SLCO5A1: variants seen among roughly 807,000 people sequenced by gnomAD.
The protein encoded by SLCO5A1 is organic anion transporter polypeptide-related protein 4.
A neutral mutation model predicts 65.1 loss-of-function variants in SLCO5A1; 39 were observed. That is an observed-to-expected ratio of 0.60 (90% CI 0.46 to 0.78). The LOEUF (loss-of-function observed/expected upper bound fraction) is 0.78, where lower values mean the gene tolerates loss of function less well. Among genes scored for constraint, SLCO5A1 ranks in the 30% least tolerant of loss-of-function variants. The pLI, the probability that SLCO5A1 is intolerant of heterozygous loss-of-function variation, is 0.00. For synonymous variants in SLCO5A1, 438 were observed against 415.7 expected, an observed-to-expected ratio of 1.05 and a Z score of -0.65; for missense variants, 1,029 against 1,069.4, an observed-to-expected ratio of 0.96 and a Z score of 0.53.
chr8:69,787,835 T>C (rs1819103769), intron 2 of SLCO5A1, among the ~76,000 whole-genome samples: 1 of 152,136 alleles, frequency 6.6e-6, no homozygotes, highest in Non-Finnish European at 1.5e-5. Context: ...CTATACATGA[T>C]CTCCTTAATC....
intron 5 of SLCO5A1, among the ~76,000 whole-genome samples, chr8:69,710,862 A>G (rs2959566): frequency 0.53 from 80,675 of 151,914 alleles, 22,020 homozygotes; most frequent in African/African-American, 0.65. Context: ...CTGCACTATC[A>G]AAACAGAAAG....
chr8:69,737,441 G>C (rs747443311), intron 5 of SLCO5A1, among the ~76,000 whole-genome samples: 2 of 152,076 alleles, frequency 1.3e-5, no homozygotes, highest in Non-Finnish European at 2.9e-5. Flanking sequence ...TCCAATATCT[G>C]AGAATTAATG....
intron 6 of SLCO5A1, among the ~76,000 whole-genome samples, chr8:69,697,181 T>TCACA (rs1392706663): frequency 6.6e-6 from 1 of 152,222 alleles, no homozygotes; most frequent in Non-Finnish European, 1.5e-5. Context: ...ATTCATTCAT[T>TCACA]CACACAACAA....
intron 6 of SLCO5A1, among the ~76,000 whole-genome samples, chr8:69,697,569 C>T (rs1367393833): frequency 1.3e-5 from 2 of 152,014 alleles, no homozygotes; most frequent in East Asian, 3.9e-4. Flanking sequence ...GGACAGCGGG[C>T]TCCCCTAGAT....
chr8:69,803,433 C>A (rs928231446), intron 2 of SLCO5A1, among the ~76,000 whole-genome samples: 1 of 151,792 alleles, frequency 6.6e-6, no homozygotes, highest in Non-Finnish European at 1.5e-5. Context: ...CAAAAATTAG[C>A]CCGGCATGGT....
At chr8:69,772,273 C>T (rs1471905494) in intron 2 of SLCO5A1, among the ~76,000 whole-genome samples, 1 of 152,092 alleles carries the variant, frequency 6.6e-6, no homozygotes, top group Non-Finnish European at 1.5e-5. Flanking sequence ...ATAATCCCAG[C>T]ACTCTGGGAG....
At chr8:69,814,262 G>A (rs1820319049) in intron 2 of SLCO5A1, among the ~76,000 whole-genome samples, 1 of 152,138 alleles carries the variant, frequency 6.6e-6, no homozygotes, top group Non-Finnish European at 1.5e-5. Context: ...ACAGCCCACA[G>A]ATCGCAAGAA....
intron 5 of SLCO5A1, among the ~76,000 whole-genome samples, chr8:69,708,137 C>G (rs1563674701): frequency 6.6e-6 from 1 of 152,150 alleles, no homozygotes; most frequent in South Asian, 2.1e-4. Context: ...TGAAAATGAA[C>G]AGCCACAGAG....
At chr8:69,731,395 G>T (rs1040244330) in intron 5 of SLCO5A1, among the ~76,000 whole-genome samples, 8 of 152,206 alleles carry the variant, frequency 5.3e-5, no homozygotes, top group African/African-American at 1.9e-4. Flanking sequence ...ATGCCATGTA[G>T]TATCCTTTCC....
chr8:69,786,249 A>G (rs1819037490), intron 2 of SLCO5A1, among the ~76,000 whole-genome samples: 2 of 152,208 alleles, frequency 1.3e-5, no homozygotes, highest in African/African-American at 2.4e-5. Context: ...ATTTCATATC[A>G]GGGATGGCCT....
chr8:69,808,921 A>G (rs1006537799), intron 2 of SLCO5A1, among the ~76,000 whole-genome samples: 11 of 152,114 alleles, frequency 7.2e-5, no homozygotes, highest in African/African-American at 2.7e-4. Flanking sequence ...CCTGACCAAC[A>G]TGATGAAATC....
At chr8:69,784,512 G>T (rs1175541473) in intron 2 of SLCO5A1, among the ~76,000 whole-genome samples, 1 of 152,126 alleles carries the variant, frequency 6.6e-6, no homozygotes, top group East Asian at 1.9e-4. Flanking sequence ...TACAGGCCAG[G>T]TGCGGTGGCT....
chr8:69,782,410 C>T (rs1277728538), intron 2 of SLCO5A1, among the ~76,000 whole-genome samples: 1 of 151,682 alleles, frequency 6.6e-6, no homozygotes, highest in Admixed American at 6.6e-5. Context: ...GGCAAGACCC[C>T]ATCTCTACAG....
Position 69,755,538 on chromosome 8 carries a change from T to C in SLCO5A1, c.1144A>G (p.Lys382Glu), listed in dbSNP as rs1173836144. 2 of 1,614,034 alleles carry C rather than the reference T, an allele frequency of 1.2e-6. No homozygotes were observed. Among genetic ancestry groups the C allele is most frequent in the Admixed American group, 3.3e-5 (2 of 60,008 alleles). The stretch of plus-strand genomic sequence containing the variant: ...CTAACAGCATCAACAGAAAATTTTT[T>C]CTTTTTCTTTTTCTTGTGTCGAGGT... ...LPPRHKKKKKKKFSVDAVSDD... is the reference protein window; with the variant it reads ...LPPRHKKKKKEKFSVDAVSDD... The change falls in exon 4 of 10, where the codon AAA becomes GAA. Residue 382 changes from lysine to glutamate, a missense_variant. Lys to Glu is a moderately conservative substitution (Grantham distance 56). Coordinates refer to ENST00000260126, the MANE Select transcript of SLCO5A1 (RefSeq NM_030958.3).
intron 6 of SLCO5A1, among the ~76,000 whole-genome samples, chr8:69,691,518 TTGA>T (rs1471841226): frequency 1.3e-5 from 2 of 152,224 alleles, no homozygotes; most frequent in African/African-American, 4.8e-5. Flanking sequence ...CGCCCCAGCC[TTGA>T]TGACCACCAT....
chr8:69,686,106 T>C (rs1309096390), intron 6 of SLCO5A1, among the ~76,000 whole-genome samples: 1 of 151,954 alleles, frequency 6.6e-6, no homozygotes, highest in Non-Finnish European at 1.5e-5. Flanking sequence ...CAAAGAGAAG[T>C]CCCCTAACTT....
chr8:69,787,561 A>G (rs1819085049), intron 2 of SLCO5A1, among the ~76,000 whole-genome samples: 1 of 152,236 alleles, frequency 6.6e-6, no homozygotes, highest in Non-Finnish European at 1.5e-5. Flanking sequence ...GATGTATGTT[A>G]TGTAACATCC....
intron 2 of SLCO5A1, among the ~76,000 whole-genome samples, chr8:69,802,921 AC>A (rs796313668): frequency 2.0e-5 from 3 of 152,306 alleles, no homozygotes; most frequent in African/African-American, 7.2e-5. Context: ...CATCAGCATA[AC>A]CTCTAGCACC....
At position 69,670,469 on chromosome 8, in the gene SLCO5A1, T is replaced by C. The variant is rs1240729464; in HGVS notation, c.*2400A>G. 2 of 152,218 alleles carry C rather than the reference T, an allele frequency of 1.3e-5. No individual in the cohort carries two copies. Among genetic ancestry groups the C allele is most frequent in the African/African-American group, 4.8e-5 (2 of 41,454 alleles). The allele number at this position is 152,218 out of a possible 1,614,324, so 9.4% of individuals were successfully genotyped here. ...CATGATTTTTACTACTTAGTCTACA[T>C]TCACCAACAACACATTAATGAAATA... is the stretch of plus-strand genomic sequence containing the variant. On this transcript the variant is annotated 3_prime_UTR_variant, in exon 10 of 10. Coordinates refer to ENST00000260126, the MANE Select transcript of SLCO5A1 (RefSeq NM_030958.3).
Sources: gnomAD v4.1 joint callset for allele counts (sites outside exome capture counted in the v4.1 genomes callset) on GRCh38, gnomAD v4.1.1 for gene constraint, MANE v1.5 for transcripts, NCBI Gene and HGNC (gene_info 2026-07-23, HGNC 2026-07-21) for gene names.